Variants in STK3 observed in about 807,000 individuals in gnomAD.
STK3 encodes serine/threonine-protein kinase 3.
In STK3, 41 loss-of-function variants were observed where a neutral mutation model predicts 58.0. The observed-to-expected ratio is 0.71, with a 90% CI of 0.55 to 0.92. The LOEUF (loss-of-function observed/expected upper bound fraction) is 0.92. Ranked by LOEUF, STK3 falls within the 40% of genes least tolerant of loss-of-function variation. STK3 has a pLI of 0.00. For synonymous variants in STK3, 170 were observed against 191.0 expected (o/e 0.89, Z 0.91); for missense variants, 479 against 602.7 (o/e 0.79, Z 2.15).
intron 1 of STK3, among the ~76,000 whole-genome samples, chr8:98,908,921 C>T (rs1046987017): frequency 4.7e-5 from 7 of 150,356 alleles, no homozygotes; most frequent in African/African-American, 7.4e-5. Context: ...TTTGGGAGGC[C>T]GAAGTGGGCA....
chr8:98,422,680 C>G (rs955359930), intron 3 of STK3, among the ~76,000 whole-genome samples: 5 of 152,178 alleles, frequency 3.3e-5, no homozygotes, highest in Admixed American at 3.3e-4. Context: ...GTGCTCCCAC[C>G]GCAGGCAGGC....
chr8:98,788,462 CA>C (rs371210857), intron 1 of STK3, among the ~76,000 whole-genome samples: 7,582 of 142,706 alleles, frequency 0.053, 209 homozygotes, highest in African/African-American at 0.073. Context: ...AACAAACAAA[CA>C]AAAAAAAAAA....
At chr8:98,434,191 T>A (rs1018170329) in exon 3 of STK3, 1 of 152,110 alleles carries the variant, frequency 6.6e-6, no homozygotes, top group African/African-American at 2.4e-5. Flanking sequence ...TGTAGAAATC[T>A]GTGTTAACCT....
chr8:98,917,769 G>A (rs773969187), intron 1 of STK3, among the ~76,000 whole-genome samples: 3 of 152,080 alleles, frequency 2.0e-5, no homozygotes, highest in Non-Finnish European at 2.9e-5. Context: ...GGAAGAAACC[G>A]CTCCTATTTC....
At chr8:98,845,846 C>T (rs1836180636) in intron 3 of STK3, among the ~76,000 whole-genome samples, 1 of 152,220 alleles carries the variant, frequency 6.6e-6, no homozygotes, top group Non-Finnish European at 1.5e-5. Context: ...CTTTCAGGAA[C>T]TCCTGGAGCT....
At chr8:98,620,328 A>T (rs1302719075) in intron 6 of STK3, among the ~76,000 whole-genome samples, 1 of 98,348 alleles carries the variant, frequency 1.0e-5, no homozygotes, top group African/African-American at 4.0e-5. Flanking sequence ...GGGTGAGGGG[A>T]GGGGGGAGGG....
In STK3 at chr8:98,520,779, T is replaced by TAACA. The variant is rs1260132762; in HGVS notation, c.1317+5959_1317+5962dup. ...TTATACTTTAATGAGTCATATTTTTTAACATTCTGTAACTAATAGATGAGG... is the reference window on the plus strand; with the variant it reads ...TTATACTTTAATGAGTCATATTTTTTAACAAACATTCTGTAACTAATAGATGAGG... On this transcript the variant is annotated intron_variant, in intron 10 of 10. Transcript: ENST00000419617. Among the ~76,000 whole-genome samples the TAACA allele has an allele frequency of 2.0e-5, 3 of 152,132 alleles. No individual in the cohort carries two copies. In the East Asian group the frequency reaches 5.8e-4, roughly 29 times the overall value.
intron 7 of STK3, among the ~76,000 whole-genome samples, chr8:98,583,528 T>G (rs556905817): frequency 1.7e-4 from 26 of 152,252 alleles, no homozygotes; most frequent in African/African-American, 5.3e-4. Flanking sequence ...TCATGGGAAA[T>G]AGCAGCCCAG....
At chr8:98,905,703 G>A in intron 1 of STK3, 8 of 651,620 alleles carry the variant, frequency 1.2e-5, no homozygotes, top group African/African-American at 3.6e-5. Context: ...CAGCGGCGGA[G>A]GTAGCTCCTG....
At chr8:98,642,618 C>A (rs1820113225) in intron 6 of STK3, among the ~76,000 whole-genome samples, 1 of 152,176 alleles carries the variant, frequency 6.6e-6, no homozygotes, top group Non-Finnish European at 1.5e-5. Context: ...GATCTTTTCA[C>A]TCTACCTGAT....
At chr8:98,827,536 T>A (rs893756494), upstream of STK3, among the ~76,000 whole-genome samples, 8 of 152,248 alleles carry the variant, frequency 5.3e-5, no homozygotes, top group Non-Finnish European at 1.2e-4. Flanking sequence ...TTGCATTATT[T>A]TAAGTTTCAC....
chr8:98,351,593 GCTTT>G, the STK3 span, among the ~76,000 whole-genome samples: 1 of 152,118 alleles, frequency 6.6e-6, no homozygotes, highest in East Asian at 1.9e-4. Context: ...CATCAAATAT[GCTTT>G]CTCTGCTATA....
intron 1 of STK3, among the ~76,000 whole-genome samples, chr8:98,779,929 A>T (rs1394406257): frequency 2.0e-5 from 3 of 148,408 alleles, no homozygotes; most frequent in Non-Finnish European, 3.0e-5. Context: ...CTTATATATA[A>T]GTCAATGAAT....
intron 3 of STK3, among the ~76,000 whole-genome samples, chr8:98,833,716 A>C (rs1254858132): frequency 6.6e-6 from 1 of 152,176 alleles, no homozygotes; most frequent in Middle Eastern, 3.2e-3. Flanking sequence ...AGTTGTGCCT[A>C]AACTCTACTT....
At chr8:98,698,093 A>C (rs1362957594) in intron 6 of STK3, among the ~76,000 whole-genome samples, 2 of 152,068 alleles carry the variant, frequency 1.3e-5, no homozygotes, top group East Asian at 3.9e-4. Context: ...CTTCTTGTTG[A>C]ATTGATCCCT....
chr8:98,634,345 C>T (rs1035451407), intron 6 of STK3, among the ~76,000 whole-genome samples: 1 of 151,688 alleles, frequency 6.6e-6, no homozygotes, highest in South Asian at 2.1e-4. Context: ...TATATATATA[C>T]AAAAATTAAC....
In STK3 at chr8:98,901,572, AG is replaced by A; in HGVS notation, c.-78-17739del. ...CAACTCTTGCAACTGCAGGAGCAGC[AG>A]GGGTTCCCAGGCTGAAATTCCATTC... On this transcript the variant is annotated intron_variant, in intron 1 of 1. Coordinates refer to the STK3 transcript ENST00000519420. Among the ~76,000 whole-genome samples the A allele has an allele frequency of 2.0e-5, 3 of 152,354 alleles. No individual in the cohort carries two copies. In the South Asian group the frequency reaches 6.2e-4, roughly 32 times the overall value.
intron 1 of STK3, among the ~76,000 whole-genome samples, chr8:98,931,363 C>T (rs1460239650): frequency 1.3e-5 from 2 of 152,160 alleles, no homozygotes. Context: ...AAGCACACAG[C>T]TCATAAAGTC....
At chr8:98,820,705 C>T (rs773915113) in intron 1 of STK3, among the ~76,000 whole-genome samples, 12 of 152,158 alleles carry the variant, frequency 7.9e-5, no homozygotes, top group Non-Finnish European at 1.8e-4. Flanking sequence ...TTCGGCTGCG[C>T]GGTAACTCAA....
Sources: allele counts gnomAD v4.1 joint callset (sites outside exome capture counted in the v4.1 genomes callset), GRCh38; gene constraint gnomAD v4.1.1; transcripts MANE v1.5; gene names NCBI Gene and HGNC (gene_info 2026-07-23, HGNC 2026-07-21).